Variants in KCNIP4 observed in about 807,000 individuals in gnomAD.
KCNIP4 encodes the protein potassium voltage-gated channel interacting protein 4, also known as Kv channel-interacting protein 4.
In KCNIP4, 12 loss-of-function variants were observed where a neutral mutation model predicts 34.0. The ratio of observed to expected loss-of-function variants is 0.35; its 90% CI spans 0.23 to 0.57. KCNIP4 has a LOEUF of 0.57. Among genes scored for constraint, KCNIP4 ranks in the 20% least tolerant of loss-of-function variants. The pLI is 0.83. For missense variants in KCNIP4, 238 were observed against 311.7 expected (o/e 0.76, Z 1.78); for synonymous variants, 124 against 102.2 (o/e 1.21, Z -1.29).
At chr4:21,875,016 G>C (rs1385329427) in intron 1 of KCNIP4, among the ~76,000 whole-genome samples, 1 of 152,164 alleles carries the variant, frequency 6.6e-6, no homozygotes, top group Non-Finnish European at 1.5e-5. Context: ...AAAAATTGTT[G>C]AGAGCTCACT....
At chr4:21,120,890 T>A (rs1185599814) in intron 1 of KCNIP4, among the ~76,000 whole-genome samples, 1 of 152,140 alleles carries the variant, frequency 6.6e-6, no homozygotes, top group African/African-American at 2.4e-5. Flanking sequence ...AGAGTCCATC[T>A]CCAAATACAG....
chr4:21,933,412 T>C (rs891786243), intron 1 of KCNIP4, among the ~76,000 whole-genome samples: 6 of 152,100 alleles, frequency 3.9e-5, no homozygotes, highest in Non-Finnish European at 5.9e-5. Flanking sequence ...TCTCTAACCT[T>C]GTTCTTGTCT....
chr4:21,834,735 T>C (rs1723211944), intron 1 of KCNIP4, among the ~76,000 whole-genome samples: 1 of 151,744 alleles, frequency 6.6e-6, no homozygotes, highest in African/African-American at 2.4e-5. Context: ...GGGTTTGTCA[T>C]AGATAGCTCT....
intron 1 of KCNIP4, among the ~76,000 whole-genome samples, chr4:21,714,794 A>T (rs982971334): frequency 9.9e-4 from 3 of 3,016 alleles, no homozygotes; most frequent in African/African-American, 2.4e-3. Flanking sequence ...TGATTATTTT[A>T]TTTTATTTTA....
chr4:21,901,134 T>C (rs1333514893), intron 1 of KCNIP4, among the ~76,000 whole-genome samples: 1 of 152,214 alleles, frequency 6.6e-6, no homozygotes, highest in Non-Finnish European at 1.5e-5. Context: ...AAACTGCTTA[T>C]GATAAAATGT....
intron 1 of KCNIP4, among the ~76,000 whole-genome samples, chr4:21,723,042 T>C (rs1365665342): frequency 6.6e-6 from 1 of 152,138 alleles, no homozygotes; most frequent in East Asian, 1.9e-4. Flanking sequence ...ACATTTGTTT[T>C]ACATATATTT....
rs77212322 is a variant in KCNIP4, at chr4:21,708,059, T to G, written c.61+240512A>C. Among the ~76,000 whole-genome samples the G allele has an allele frequency of 4.4e-3, 671 of 152,134 alleles. 7 individuals are homozygous for G. Among genetic ancestry groups the G allele is most frequent in the African/African-American group, 0.015 (643 of 41,514 alleles). On this transcript the variant is annotated intron_variant, in intron 1 of 8. Coordinates refer to ENST00000382152, the MANE Select transcript of KCNIP4 (RefSeq NM_025221.6). ...TGGTGGGTCATTTAGAATAAGGAAC[T>G]GGGGTTCTAATTTCACACTGGAACA...
At chr4:21,069,476 A>G (rs1003741966) in intron 1 of KCNIP4, among the ~76,000 whole-genome samples, 2 of 152,212 alleles carry the variant, frequency 1.3e-5, no homozygotes, top group Admixed American at 1.3e-4. Context: ...CTCAGTCTAG[A>G]GGACTCTGAG....
intron 1 of KCNIP4, among the ~76,000 whole-genome samples, chr4:21,274,440 G>C (rs1023830452): frequency 6.6e-5 from 10 of 152,116 alleles, no homozygotes; most frequent in Admixed American, 2.0e-4. Flanking sequence ...AATTAATTTA[G>C]AATTCTTTAA....
intron 3 of KCNIP4, among the ~76,000 whole-genome samples, chr4:20,759,960 A>G (rs1754812801): frequency 6.6e-6 from 1 of 152,190 alleles, no homozygotes; most frequent in Admixed American, 6.5e-5. Context: ...TTGGCACTGC[A>G]GAACCTGCAG....
chr4:21,742,714 C>A (rs1452643089), intron 1 of KCNIP4, among the ~76,000 whole-genome samples: 1 of 152,118 alleles, frequency 6.6e-6, no homozygotes, highest in East Asian at 1.9e-4. Context: ...CTTAGTCTCA[C>A]TTCTCAAGGA....
intron 1 of KCNIP4, among the ~76,000 whole-genome samples, chr4:21,243,193 C>G (rs1453309364): frequency 1.3e-5 from 2 of 152,042 alleles, no homozygotes; most frequent in Non-Finnish European, 2.9e-5. Flanking sequence ...AATAACTTCT[C>G]TACAATAGAG....
At chr4:21,786,030 C>A (rs1719885536) in intron 1 of KCNIP4, among the ~76,000 whole-genome samples, 1 of 152,138 alleles carries the variant, frequency 6.6e-6, no homozygotes, top group South Asian at 2.1e-4. Context: ...CTCACTGCAA[C>A]CTCCGCCTCT....
At chr4:20,741,313 A>G (rs1483608892) in intron 5 of KCNIP4, among the ~76,000 whole-genome samples, 3 of 152,220 alleles carry the variant, frequency 2.0e-5, no homozygotes, top group African/African-American at 4.8e-5. Context: ...TTGACCACAT[A>G]GTTGGAAGTA....
rs77701747 is a variant in KCNIP4, at chr4:20,900,370, A to AG, written c.62-17662dup. ...AACGGAGTGTGTACATTAACCTGGT[A>AG]GATTACTAAGGCCACCCCATAAACT... On this transcript the variant is annotated intron_variant, in intron 1 of 8. Coordinates refer to ENST00000382152, the MANE Select transcript of KCNIP4 (RefSeq NM_025221.6). Among the ~76,000 whole-genome samples, 140 of 152,352 alleles carry AG rather than the reference A, an allele frequency of 9.2e-4. 4 individuals are homozygous for AG. In the East Asian group the frequency reaches 0.02, roughly 22 times the overall value.
chr4:21,239,690 G>A (rs1280295393), intron 1 of KCNIP4, among the ~76,000 whole-genome samples: 1 of 152,302 alleles, frequency 6.6e-6, no homozygotes, highest in East Asian at 1.9e-4. Context: ...TCTCACAGTA[G>A]TTAGAAGGGC....
chr4:21,098,880 C>A (rs4590029), intron 1 of KCNIP4, among the ~76,000 whole-genome samples: 24,251 of 152,100 alleles, frequency 0.16, 2,042 homozygotes, highest in East Asian at 0.23. Context: ...CTCAACATCA[C>A]TGATCATTAG....
chr4:21,459,887 C>A (rs755701840), intron 1 of KCNIP4, among the ~76,000 whole-genome samples: 13 of 152,038 alleles, frequency 8.6e-5, no homozygotes, highest in Non-Finnish European at 1.6e-4. Flanking sequence ...GAGCCTTGTT[C>A]ATCTCAAGCT....
chr4:21,356,055 G>A (rs954587895), intron 1 of KCNIP4, among the ~76,000 whole-genome samples: 4 of 151,914 alleles, frequency 2.6e-5, no homozygotes, highest in African/African-American at 4.8e-5. Context: ...CAAAAACCAC[G>A]ATTATTTCAA....
Sources: gnomAD v4.1 joint callset for allele counts (sites outside exome capture counted in the v4.1 genomes callset) on GRCh38, gnomAD v4.1.1 for gene constraint, MANE v1.5 for transcripts, NCBI Gene and HGNC (gene_info 2026-07-23, HGNC 2026-07-21) for gene names.